CTNNA3: variants seen among roughly 807,000 people sequenced by gnomAD.
The protein encoded by CTNNA3 is catenin alpha 3, also known as catenin alpha-3.
Under a neutral mutation model 95.7 loss-of-function variants are expected in CTNNA3, and 76 were observed. The observed-to-expected ratio is 0.79, with a 90% CI of 0.66 to 0.96. The LOEUF is 0.96. Ranked by LOEUF, CTNNA3 falls within the 40% of genes least tolerant of loss-of-function variation. The pLI is 0.00. For missense variants in CTNNA3, 1,191 were observed against 1,089.8 expected (o/e 1.09, Z -1.31); for synonymous variants, 431 against 374.4 (o/e 1.15, Z -1.74).
chr10:66,767,721 G>A (rs370508478), intron 8 of CTNNA3, among the ~76,000 whole-genome samples: 1 of 152,094 alleles, frequency 6.6e-6, no homozygotes, highest in East Asian at 1.9e-4. Context: ...CTGAATGATA[G>A]AGCTAAATAG....
At chr10:66,688,546 ATC>A (rs1847385566) in intron 9 of CTNNA3, among the ~76,000 whole-genome samples, 2 of 152,298 alleles carry the variant, frequency 1.3e-5, no homozygotes, top group African/African-American at 4.8e-5. Flanking sequence ...CTCTGACACT[ATC>A]TACAGTAGCC....
intron 1 of CTNNA3, among the ~76,000 whole-genome samples, chr10:67,661,912 G>T (rs1260092757): frequency 6.6e-6 from 1 of 152,128 alleles, no homozygotes; most frequent in Admixed American, 6.5e-5. Context: ...GAAACAACTG[G>T]AAATCTCACA....
chr10:67,750,332 G>T, intron 1 of CTNNA3: 1 of 1,523,840 alleles, frequency 6.6e-7, no homozygotes, highest in Non-Finnish European at 9.1e-7. Context: ...GCCCATTGTG[G>T]GCCTGGGCAC....
In CTNNA3 at chr10:66,015,601, G is replaced by A. The variant is rs76284430; in HGVS notation, c.2160-26804C>T. 5.2e-3 allele frequency among the ~76,000 whole-genome samples: 777 copies of A among 149,766 alleles called. 8 individuals carry two copies. Among genetic ancestry groups the A allele is most frequent in the African/African-American group, 0.018 (719 of 40,750 alleles). The stretch of plus-strand genomic sequence containing the variant: ...ATAGAAAAAGTTTGCCAACTTTTTC[G>A]TTACCTACATAAATAGCAGAATTAA... On this transcript the variant is annotated intron_variant, in intron 15 of 17. Coordinates refer to ENST00000433211, the MANE Select transcript of CTNNA3 (RefSeq NM_013266.4).
chr10:67,749,238 T>C (rs1269317013), intron 1 of CTNNA3, among the ~76,000 whole-genome samples: 1 of 152,162 alleles, frequency 6.6e-6, no homozygotes, highest in Non-Finnish European at 1.5e-5. Context: ...CCACCGTCAA[T>C]ATTACACAGA....
chr10:66,646,309 A>G (rs2132397011), intron 9 of CTNNA3, among the ~76,000 whole-genome samples: 1 of 152,322 alleles, frequency 6.6e-6, no homozygotes, highest in Admixed American at 6.5e-5. Flanking sequence ...ATTCCAGCAC[A>G]ACGGATGGGA....
intron 7 of CTNNA3, among the ~76,000 whole-genome samples, chr10:66,934,966 G>C (rs1301152607): frequency 6.6e-6 from 1 of 152,110 alleles, no homozygotes; most frequent in Non-Finnish European, 1.5e-5. Context: ...GAATGAAAAT[G>C]TCATCAGACA....
intron 1 of CTNNA3, among the ~76,000 whole-genome samples, chr10:67,703,419 T>C (rs1411532017): frequency 1.3e-5 from 2 of 152,064 alleles, no homozygotes; most frequent in Non-Finnish European, 2.9e-5. Context: ...TCAAAAAGCT[T>C]ATCCACCATG....
intron 2 of CTNNA3, among the ~76,000 whole-genome samples, chr10:67,610,872 T>C (rs755716184): frequency 6.6e-6 from 1 of 152,184 alleles, no homozygotes; most frequent in Non-Finnish European, 1.5e-5. Context: ...CCCCTCTTTC[T>C]CAGACTTCAG....
At chr10:67,372,738 T>A (rs1284742078) in intron 5 of CTNNA3, among the ~76,000 whole-genome samples, 1 of 152,126 alleles carries the variant, frequency 6.6e-6, no homozygotes, top group Non-Finnish European at 1.5e-5. Context: ...AAGGTCGGGT[T>A]ACCCACAAAG....
intron 5 of CTNNA3, among the ~76,000 whole-genome samples, chr10:67,477,163 G>C (rs1007995658): frequency 6.6e-6 from 1 of 151,972 alleles, no homozygotes; most frequent in Non-Finnish European, 1.5e-5. Context: ...CCTGGACTAA[G>C]AGTTTAGGCT....
rs138607930 is a variant in CTNNA3, at chr10:67,761,988, T to C, written c.-2+1446A>G. Among the ~76,000 whole-genome samples, 327 of 152,184 alleles carry C rather than the reference T, an allele frequency of 2.1e-3. 2 individuals carry two copies. The highest frequency in any genetic ancestry group is 7.4e-3 in the African/African-American group (308 of 41,532). On this transcript the variant is annotated intron_variant, in intron 1 of 17. Transcript: ENST00000684154. ...ATGGTTGCAAAACAATGTTTTATGA[T>C]ATTATTGTCACGAATTAGGAACATA...
At chr10:65,948,010 G>A (rs1016762585) in intron 17 of CTNNA3, among the ~76,000 whole-genome samples, 1 of 152,210 alleles carries the variant, frequency 6.6e-6, no homozygotes, top group African/African-American at 2.4e-5. Flanking sequence ...AGGCGCGGTG[G>A]CTTACGCCTG....
rs185365852 is a variant in CTNNA3 at position 67,119,283 on chromosome 10, T to C, written c.1047+61034A>G. On this transcript the variant is annotated intron_variant, in intron 7 of 17. Coordinates refer to ENST00000433211, the MANE Select transcript of CTNNA3 (RefSeq NM_013266.4). ...TGTAAACATCTAGAGTAATATACCA[T>C]GATCACATAAGAATTCACAGACTTT... Among the ~76,000 whole-genome samples the C allele has an allele frequency of 5.9e-5, 9 of 152,062 alleles. No individual in the cohort carries two copies. The East Asian group carries it at 1.7e-3, about 29-fold the overall frequency.
At chr10:67,188,316 T>C (rs77478325) in intron 6 of CTNNA3, among the ~76,000 whole-genome samples, 2 of 151,952 alleles carry the variant, frequency 1.3e-5, no homozygotes, top group African/African-American at 4.8e-5. Context: ...GGCAACATAG[T>C]GAAACCCGTT....
chr10:67,088,565 G>A (rs944700097), intron 7 of CTNNA3, among the ~76,000 whole-genome samples: 2 of 151,858 alleles, frequency 1.3e-5, no homozygotes, highest in Middle Eastern at 3.2e-3. Context: ...AAATTTGCAA[G>A]ACACCCATAA....
intron 5 of CTNNA3, among the ~76,000 whole-genome samples, chr10:67,341,528 A>G (rs957973694): frequency 2.6e-5 from 4 of 152,258 alleles, no homozygotes; most frequent in African/African-American, 9.6e-5. Flanking sequence ...ACAGGATCTT[A>G]TTCTTTTTTA....
At chr10:66,985,464 G>T (rs916554659) in intron 7 of CTNNA3, among the ~76,000 whole-genome samples, 1 of 152,104 alleles carries the variant, frequency 6.6e-6, no homozygotes, top group Non-Finnish European at 1.5e-5. Flanking sequence ...GGAGCTGGCA[G>T]GGAGGATCCA....
At chr10:67,597,854 T>C (rs1842972850) in intron 3 of CTNNA3, among the ~76,000 whole-genome samples, 1 of 152,096 alleles carries the variant, frequency 6.6e-6, no homozygotes, top group South Asian at 2.1e-4. Context: ...ACCAGCAAAG[T>C]GGTGGGTGGA....
Sources: allele counts gnomAD v4.1 joint callset (sites outside exome capture counted in the v4.1 genomes callset), GRCh38; gene constraint gnomAD v4.1.1; transcripts MANE v1.5; gene names NCBI Gene and HGNC (gene_info 2026-07-23, HGNC 2026-07-21).